The following LYN variants were observed in gnomAD, a reference collection of about 807,000 sequenced individuals.
LYN encodes tyrosine-protein kinase Lyn.
In LYN, 12 loss-of-function variants were observed where a neutral mutation model predicts 65.0. The observed-to-expected ratio is 0.18, with a 90% CI of 0.12 to 0.30. The LOEUF is 0.30. LYN is among the 10% of genes least tolerant of loss of function. The probability of loss-of-function intolerance (pLI) is 1.00; values close to 1 mark genes in which losing one functional copy is unlikely to be tolerated. For missense variants in LYN, 380 were observed against 623.2 expected (o/e 0.61, Z 4.16); for synonymous variants, 222 against 221.2 (o/e 1.00, Z -0.03).
chr8:55,974,948 C>G (rs1218823947), intron 10 of LYN, among the ~76,000 whole-genome samples: 1 of 152,168 alleles, frequency 6.6e-6, no homozygotes, highest in Non-Finnish European at 1.5e-5. Context: ...ATCCGCTCCC[C>G]ACTCCATATA....
intron 1 of LYN, among the ~76,000 whole-genome samples, chr8:55,914,376 A>G (rs1322163891): frequency 6.6e-6 from 1 of 152,106 alleles, no homozygotes; most frequent in African/African-American, 2.4e-5. Context: ...TGGCCCCCAT[A>G]CTTTAGGGTG....
At chr8:55,982,043 C>G (rs1807942267) in intron 10 of LYN, among the ~76,000 whole-genome samples, 1 of 152,176 alleles carries the variant, frequency 6.6e-6, no homozygotes, top group African/African-American at 2.4e-5. Flanking sequence ...GGGCGCTGAA[C>G]AGAGCCCTTT....
intron 1 of LYN, among the ~76,000 whole-genome samples, chr8:55,920,398 A>G (rs538786458): frequency 4.5e-4 from 68 of 152,332 alleles, no homozygotes; most frequent in African/African-American, 1.5e-3. Context: ...AAGTGTGATC[A>G]TGTCACTATA....
intron 12 of LYN, among the ~76,000 whole-genome samples, chr8:56,003,153 G>A (rs191075937): frequency 8.0e-5 from 12 of 149,744 alleles, no homozygotes; most frequent in African/African-American, 2.5e-4. Flanking sequence ...CCCACCTCCC[G>A]GGTTCACGCC....
At chr8:55,979,050 C>CTT (rs11287133) in intron 10 of LYN, among the ~76,000 whole-genome samples, 37 of 74,262 alleles carry the variant, frequency 5.0e-4, no homozygotes, top group African/African-American at 1.8e-3. Context: ...ACTTCTCATT[C>CTT]TTTTTTTTTT....
chr8:55,887,192 T>C (rs911752123), intron 1 of LYN, among the ~76,000 whole-genome samples: 2 of 152,230 alleles, frequency 1.3e-5, no homozygotes, highest in African/African-American at 4.8e-5. Flanking sequence ...CAGTGGCCCT[T>C]GCCTGTAATC....
At chr8:55,922,383 C>G (rs1805969565) in intron 1 of LYN, among the ~76,000 whole-genome samples, 1 of 152,146 alleles carries the variant, frequency 6.6e-6, no homozygotes, top group Non-Finnish European at 1.5e-5. Flanking sequence ...AGCCACCACA[C>G]CTGGCTGACA....
chr8:55,920,381 A>G (rs978529584), intron 1 of LYN, among the ~76,000 whole-genome samples: 1 of 152,198 alleles, frequency 6.6e-6, no homozygotes, highest in Non-Finnish European at 1.5e-5. Context: ...TCACAGCAAC[A>G]TTTCTTAAGT....
At chr8:55,890,727 ATTTT>A (rs59069585) in intron 1 of LYN, among the ~76,000 whole-genome samples, 59 of 143,810 alleles carry the variant, frequency 4.1e-4, no homozygotes, top group African/African-American at 1.1e-3. Flanking sequence ...GTACATTGGA[ATTTT>A]TTTTTTTTTT....
intron 1 of LYN, among the ~76,000 whole-genome samples, chr8:55,929,437 A>G (rs1806198624): frequency 6.6e-6 from 1 of 152,230 alleles, no homozygotes; most frequent in Admixed American, 6.5e-5. Flanking sequence ...GTACAGGCAT[A>G]GTGGCAGATG....
Position 55,895,910 on chromosome 8 carries a change from A to G in LYN, c.-6+15807A>G, listed in dbSNP as rs1344081763. On this transcript the variant is annotated intron_variant, in intron 1 of 12. Transcript: ENST00000519728. The stretch of plus-strand genomic sequence containing the variant: ...TTTGGAGGATCCCTACCCACTCCCT[A>G]CTCATGGTACCCCTGGCCTGTTCTG... Among the ~76,000 whole-genome samples, 4 of 151,904 alleles carry G rather than the reference A, an allele frequency of 2.6e-5. No homozygotes were observed. The East Asian group carries it at 5.8e-4, about 22-fold the overall frequency.
At chr8:55,902,991 GGT>G (rs1392645840) in intron 1 of LYN, 3 of 303,250 alleles carry the variant, frequency 9.9e-6, no homozygotes, top group Admixed American at 4.2e-5. Context: ...TGGGACTACA[GGT>G]GTGTGCCACC....
chr8:56,003,025 TTTACGCAGTAAAC>T lies in LYN; in HGVS notation c.1336+3478_1336+3490del, dbSNP rs554042417. Among the ~76,000 whole-genome samples, 523 of 152,212 alleles carry T rather than the reference TTTACGCAGTAAAC, an allele frequency of 3.4e-3. 4 individuals are homozygous for T. The highest frequency in any genetic ancestry group is 0.012 in the African/African-American group (501 of 41,554). ...AATGGAATTATCTGAAAGTACTTTC[TTTACGCAGTAAAC>T]TGCTGGCTATGTTTTTGTTTTTTGT... On this transcript the variant is annotated intron_variant, in intron 12 of 12. Coordinates refer to ENST00000519728, the MANE Select transcript of LYN (RefSeq NM_002350.4).
rs575001244 is a variant in LYN at position 55,934,311 on chromosome 8, G to T, written c.-5-7544G>T. Among the ~76,000 whole-genome samples, 6 of 152,314 alleles carry T rather than the reference G, an allele frequency of 3.9e-5. No homozygotes were observed. The South Asian group carries it at 1.2e-3, about 32-fold the overall frequency. On this transcript the variant is annotated intron_variant, in intron 1 of 12. Transcript: ENST00000519728. ...GCAAACAGCTTAAGTTTGCCAACAG[G>T]GTTTGAATCTTTTCAAATGTAGTCT...
At chr8:55,962,482 C>A (rs1317263311) in intron 8 of LYN, among the ~76,000 whole-genome samples, 1 of 151,184 alleles carries the variant, frequency 6.6e-6, no homozygotes, top group Non-Finnish European at 1.5e-5. Flanking sequence ...GTGAGATGCA[C>A]TCGTGCTTCT....
At chr8:55,932,696 C>T (rs926529316) in intron 1 of LYN, among the ~76,000 whole-genome samples, 3 of 152,210 alleles carry the variant, frequency 2.0e-5, no homozygotes, top group Non-Finnish European at 2.9e-5. Flanking sequence ...GCTGGGATTA[C>T]AGGCATGAGC....
At chr8:55,986,340 G>T (rs1265925138) in intron 10 of LYN, among the ~76,000 whole-genome samples, 4 of 152,166 alleles carry the variant, frequency 2.6e-5, no homozygotes, top group Non-Finnish European at 5.9e-5. Flanking sequence ...ACTAACACTT[G>T]TTATTTTCTG....
chr8:55,880,075 C>T lies in LYN; in HGVS notation c.-34C>T. On this transcript the variant is annotated 5_prime_UTR_variant, in exon 1 of 13. Coordinates refer to ENST00000519728, the MANE Select transcript of LYN (RefSeq NM_002350.4). ...CTGAACTCAAGTCACCGTGGAGCTC[C>T]GCCGCCCCGAAACTTTCACCGCGAG... 1 of 314,082 alleles carries T rather than the reference C, an allele frequency of 3.2e-6. No homozygotes were observed. The highest frequency in any genetic ancestry group is 6.5e-6 in the Non-Finnish European group (1 of 154,882). 19.5% of individuals were successfully genotyped at this position (314,082 alleles called of 1,614,324 possible). A position where few individuals can be genotyped will look rare whatever the true frequency, so the allele number is the denominator to read the frequency against.
chr8:55,918,095 CAGCAGCAGCT>C (rs1805831099), intron 1 of LYN, among the ~76,000 whole-genome samples: 7 of 152,144 alleles, frequency 4.6e-5, no homozygotes, highest in Admixed American at 3.3e-4. Context: ...GTGGTAGCGG[CAGCAGCAGCT>C]TGCAGATCTC....
Sources: allele counts gnomAD v4.1 joint callset (sites outside exome capture counted in the v4.1 genomes callset), GRCh38; gene constraint gnomAD v4.1.1; transcripts MANE v1.5; gene names NCBI Gene and HGNC (gene_info 2026-07-23, HGNC 2026-07-21).